PAQR5: variants seen among roughly 807,000 people sequenced by gnomAD.
PAQR5 encodes membrane progestin receptor gamma.
PAQR5 carries 20 observed loss-of-function variants against 34.5 expected under a neutral mutation model. The ratio of observed to expected loss-of-function variants is 0.58; its 90% CI spans 0.41 to 0.84. The LOEUF (loss-of-function observed/expected upper bound fraction) is 0.84. Ranked by LOEUF, PAQR5 falls within the 40% of genes least tolerant of loss-of-function variation. PAQR5 has a pLI of 0.00. For missense variants in PAQR5, 378 were observed against 412.7 expected, an observed-to-expected ratio of 0.92 and a Z score of 0.73; for synonymous variants, 131 against 155.6, an observed-to-expected ratio of 0.84 and a Z score of 1.18.
At chr15:69,360,220 C>A in intron 3 of PAQR5, 89 bp downstream of exon 3, 1 of 959,036 alleles carries the variant, frequency 1.0e-6, no homozygotes, top group South Asian at 1.3e-5. Context: ...TTCACCTAGT[C>A]TGTTCTGTAC....
intron 2 of PAQR5, among the ~76,000 whole-genome samples, chr15:69,343,443 T>C (rs996663368): frequency 2.6e-5 from 4 of 152,108 alleles, no homozygotes; most frequent in African/African-American, 9.7e-5. Flanking sequence ...GCAAAAAAAA[T>C]GTAACACAGA....
chr15:69,335,138 C>T (rs550149861), intron 1 of PAQR5, among the ~76,000 whole-genome samples: 10 of 150,498 alleles, frequency 6.6e-5, no homozygotes, highest in African/African-American at 1.5e-4. Context: ...GCAGGAGAAT[C>T]GTTTGAACCC....
chr15:69,402,425 C>A (rs925885942), intron 8 of PAQR5, among the ~76,000 whole-genome samples: 3 of 152,000 alleles, frequency 2.0e-5, no homozygotes, highest in Admixed American at 6.6e-5. Flanking sequence ...TCACGCCATT[C>A]TCCTGCCTCA....
At chr15:69,398,443 A>G (rs2056521133) in intron 7 of PAQR5, among the ~76,000 whole-genome samples, 1 of 152,204 alleles carries the variant, frequency 6.6e-6, no homozygotes. Flanking sequence ...TAAGGGTACT[A>G]GGCCTCCTTT....
intron 2 of PAQR5, among the ~76,000 whole-genome samples, chr15:69,346,932 T>C (rs2054790718): frequency 6.6e-6 from 1 of 152,158 alleles, no homozygotes; most frequent in African/African-American, 2.4e-5. Flanking sequence ...TTCTCCTGCT[T>C]CAACCTCCTG....
chr15:69,336,596 T>C (rs1239424520), intron 1 of PAQR5, among the ~76,000 whole-genome samples: 1 of 152,178 alleles, frequency 6.6e-6, no homozygotes, highest in African/African-American at 2.4e-5. Context: ...CATCCACAGA[T>C]GATTGTTGTC....
chr15:69,400,519 C>G (rs2056592959), intron 8 of PAQR5, among the ~76,000 whole-genome samples: 1 of 152,146 alleles, frequency 6.6e-6, no homozygotes, highest in South Asian at 2.1e-4. Context: ...TAGTGAAACT[C>G]CATTTCTACA....
chr15:69,300,937 C>CTCTCTCTCTTTCCTTCTTTCTTTCTT (rs2053578922), intron 1 of PAQR5, among the ~76,000 whole-genome samples: 1 of 5,188 alleles, frequency 1.9e-4, no homozygotes, highest in African/African-American at 2.9e-4. Context: ...CTCTCTCTCT[C>CTCTCTCTCTTTCCTTCTTTCTTTCTT]TCTTTCTTTC....
chr15:69,323,439 C>T (rs149948382), intron 1 of PAQR5, among the ~76,000 whole-genome samples: 1 of 152,328 alleles, frequency 6.6e-6, no homozygotes, highest in Non-Finnish European at 1.5e-5. Context: ...TGGTCCCCAG[C>T]TCCCCTGAAC....
At chr15:69,397,151 G>C (rs904100953) in intron 6 of PAQR5, 2 of 488,618 alleles carry the variant, frequency 4.1e-6, no homozygotes, top group East Asian at 1.2e-4. Flanking sequence ...GTTTTAAAAG[G>C]TTCTTTGGCA....
At chr15:69,345,368 C>G (rs991411648) in intron 2 of PAQR5, among the ~76,000 whole-genome samples, 1 of 152,170 alleles carries the variant, frequency 6.6e-6, no homozygotes, top group African/African-American at 2.4e-5. Context: ...ATTTGGCCAC[C>G]TTTTATGTAA....
intron 1 of PAQR5, among the ~76,000 whole-genome samples, chr15:69,314,109 G>A (rs974348365): frequency 3.9e-4 from 59 of 152,154 alleles, no homozygotes; most frequent in Middle Eastern, 3.4e-3. Context: ...GAGGGCTTCC[G>A]TTTCTGAAAT....
intron 8 of PAQR5, 118 bp downstream of exon 8, chr15:69,400,233 G>C (rs1017071189): frequency 2.0e-6 from 2 of 1,005,776 alleles, no homozygotes; most frequent in African/African-American, 3.2e-5. Flanking sequence ...GAGAGGCCAA[G>C]GCGAGTAACA....
intron 1 of PAQR5, among the ~76,000 whole-genome samples, chr15:69,336,101 GA>G (rs1397585823): frequency 6.6e-6 from 1 of 152,196 alleles, no homozygotes; most frequent in East Asian, 1.9e-4. Flanking sequence ...GTCTTGTTTG[GA>G]AAGCTAAGTC....
chr15:69,300,378 C>G (rs2053505977), intron 1 of PAQR5, among the ~76,000 whole-genome samples: 1 of 152,124 alleles, frequency 6.6e-6, no homozygotes, highest in Non-Finnish European at 1.5e-5. Context: ...GAATGATTAG[C>G]CTGCAACAGC....
chr15:69,358,710 C>G (rs1209909495), intron 2 of PAQR5, among the ~76,000 whole-genome samples: 3 of 127,796 alleles, frequency 2.3e-5, no homozygotes, highest in Non-Finnish European at 3.1e-5. Context: ...TGGCTCACAG[C>G]AGCCTTGACC....
At chr15:69,311,699 G>T (rs534673464) in intron 1 of PAQR5, among the ~76,000 whole-genome samples, 1 of 152,100 alleles carries the variant, frequency 6.6e-6, no homozygotes. Flanking sequence ...TGCTTTTCCC[G>T]TTGAAACCCA....
chr15:69,300,702 C>CTT lies in PAQR5; in HGVS notation c.-277+1647_-277+1648insTT, dbSNP rs2053542048. Among the ~76,000 whole-genome samples the CTT allele has an allele frequency of 6.1e-4, 4 of 6,518 alleles. 1 individual carries two copies. Among genetic ancestry groups the CTT allele is most frequent in the Admixed American group, 5.8e-3 (2 of 346 alleles). The allele number at this position is 6,518 out of a possible 152,430, so 4.3% of individuals were successfully genotyped here. Reference sequence around the variant, plus strand: ...TTCCTTCCTCCCTCCCTCTCTCTCTCTCTTTCTTTCTTTCTTTCTTTCTTT... The same window carrying CTT: ...TTCCTTCCTCCCTCCCTCTCTCTCTCTTTCTTTCTTTCTTTCTTTCTTTCTTT... On this transcript the variant is annotated intron_variant, in intron 1 of 8. Transcript: ENST00000395407.
At chr15:69,378,404 T>A (rs548104686) in intron 3 of PAQR5, among the ~76,000 whole-genome samples, 1 of 117,246 alleles carries the variant, frequency 8.5e-6, no homozygotes, top group Admixed American at 1.2e-4. Context: ...ACCACTGTAC[T>A]CCAGCCTGGG....
Sources: allele counts gnomAD v4.1 joint callset (sites outside exome capture counted in the v4.1 genomes callset), GRCh38; gene constraint gnomAD v4.1.1; transcripts MANE v1.5; gene names NCBI Gene and HGNC (gene_info 2026-07-23, HGNC 2026-07-21).